The following GALNT17 variants were observed in gnomAD, a reference collection of about 807,000 sequenced individuals.
GALNT17 encodes the protein UDP-GalNAc:polypeptide N-acetylgalactosaminyltransferase-like 3.
A neutral mutation model predicts 63.7 loss-of-function variants in GALNT17; 29 were observed. That is an observed-to-expected ratio of 0.46 (90% confidence interval 0.34 to 0.62). The LOEUF (loss-of-function observed/expected upper bound fraction) is 0.62, where lower values mean the gene tolerates loss of function less well. Ranked by LOEUF, GALNT17 falls within the 20% of genes least tolerant of loss-of-function variation. The pLI, the probability that GALNT17 is intolerant of heterozygous loss-of-function variation, is 0.01. For synonymous variants in GALNT17, 305 were observed against 318.3 expected (o/e 0.96, Z 0.45); for missense variants, 603 against 799.6 (o/e 0.75, Z 2.97).
At chr7:71,426,877 C>A (rs1786769547) in intron 5 of GALNT17, among the ~76,000 whole-genome samples, 1 of 150,350 alleles carries the variant, frequency 6.7e-6, no homozygotes, top group East Asian at 2.1e-4. Flanking sequence ...CAAGATCATA[C>A]CACCTGCACT....
chr7:71,515,396 G>A (rs1163892084), intron 5 of GALNT17, among the ~76,000 whole-genome samples: 1 of 152,180 alleles, frequency 6.6e-6, no homozygotes, highest in East Asian at 1.9e-4. Flanking sequence ...TACTAGTCTT[G>A]TACTGAAGCT....
At chr7:71,421,208 T>C in intron 5 of GALNT17, 103 bp downstream of exon 5, 1 of 1,271,892 alleles carries the variant, frequency 7.9e-7, no homozygotes, top group Non-Finnish European at 1.1e-6. Flanking sequence ...CTCGAGCAGC[T>C]GTGTGCACAC....
At chr7:71,461,347 G>C (rs1787447677) in intron 5 of GALNT17, among the ~76,000 whole-genome samples, 1 of 152,176 alleles carries the variant, frequency 6.6e-6, no homozygotes, top group Non-Finnish European at 1.5e-5. Context: ...ACATAGGAAA[G>C]GGCCTTTCAT....
At chr7:71,682,323 C>A in intron 9 of GALNT17, among the ~76,000 whole-genome samples, 1 of 137,712 alleles carries the variant, frequency 7.3e-6, no homozygotes, top group East Asian at 2.2e-4. Flanking sequence ...GGCCCTGTGG[C>A]CCCCCACCCT....
intron 5 of GALNT17, among the ~76,000 whole-genome samples, chr7:71,517,153 T>C (rs1013331694): frequency 2.3e-4 from 35 of 152,286 alleles, no homozygotes; most frequent in African/African-American, 8.2e-4. Context: ...TTTCTCACAG[T>C]TCTGAGGCTG....
chr7:71,203,107 A>G (rs893288754), intron 1 of GALNT17, among the ~76,000 whole-genome samples: 4 of 152,212 alleles, frequency 2.6e-5, no homozygotes, highest in African/African-American at 7.2e-5. Context: ...TGCAATGAAC[A>G]TGAGAGTGCT....
intron 1 of GALNT17, among the ~76,000 whole-genome samples, chr7:71,287,110 G>A (rs539324718): frequency 6.6e-6 from 1 of 152,012 alleles, no homozygotes; most frequent in Admixed American, 6.5e-5. Flanking sequence ...TGTTTTTTGA[G>A]ACAAGGTCTC....
At chr7:71,509,017 A>AAAACAGTTTCCGACTTAAAAATTGT (rs1438892680) in intron 5 of GALNT17, among the ~76,000 whole-genome samples, 1 of 152,114 alleles carries the variant, frequency 6.6e-6, no homozygotes, top group Non-Finnish European at 1.5e-5. Context: ...CTCCACCATA[A>AAAACAGTTTCCGACTTAAAAATTGT]AAACAGTTTC....
At chr7:71,494,624 A>T (rs1053491624) in intron 5 of GALNT17, among the ~76,000 whole-genome samples, 1 of 152,088 alleles carries the variant, frequency 6.6e-6, no homozygotes, top group Admixed American at 6.6e-5. Context: ...CTCCCAAACT[A>T]TTGGGAGTAC....
chr7:71,203,283 C>G (rs1281673007), intron 1 of GALNT17, among the ~76,000 whole-genome samples: 4 of 152,158 alleles, frequency 2.6e-5, no homozygotes, highest in Non-Finnish European at 5.9e-5. Flanking sequence ...ACCAGGGTTC[C>G]TTTTTCTCCA....
At chr7:71,252,028 C>T (rs1790207278) in intron 1 of GALNT17, among the ~76,000 whole-genome samples, 1 of 152,132 alleles carries the variant, frequency 6.6e-6, no homozygotes, top group Admixed American at 6.5e-5. Context: ...CCTGCTGCCT[C>T]CTCCGGGACT....
chr7:71,415,145 A>G (rs1476474785), intron 3 of GALNT17, among the ~76,000 whole-genome samples: 9 of 152,166 alleles, frequency 5.9e-5, no homozygotes, highest in Non-Finnish European at 1.5e-5. Flanking sequence ...CCGGAAGTAC[A>G]GGTGCACAAC....
Position 71,511,369 on chromosome 7 carries a change from A to C in GALNT17, c.963-59916A>C, listed in dbSNP as rs558324083. Among the ~76,000 whole-genome samples the C allele has an allele frequency of 7.9e-5, 12 of 152,278 alleles. No homozygotes were observed. In the South Asian group the frequency reaches 2.3e-3, roughly 29 times the overall value. On this transcript the variant is annotated intron_variant, in intron 5 of 10. Coordinates refer to ENST00000333538, the MANE Select transcript of GALNT17 (RefSeq NM_022479.3). ...GAATGAGGTTAGGGGAGAGCGTGAG[A>C]GCAGCAGATCCTGCAAGCAACCCTC...
chr7:71,137,975 A>G (rs1787818924), intron 1 of GALNT17, among the ~76,000 whole-genome samples: 1 of 152,232 alleles, frequency 6.6e-6, no homozygotes, highest in Non-Finnish European at 1.5e-5. Flanking sequence ...CAGTTGATTA[A>G]CACTTATTTT....
intron 3 of GALNT17, among the ~76,000 whole-genome samples, chr7:71,391,161 A>G (rs1417899110): frequency 6.6e-6 from 1 of 152,168 alleles, no homozygotes; most frequent in Non-Finnish European, 1.5e-5. Context: ...GCACTAAGAA[A>G]AGTGCAGGTG....
At chr7:71,583,894 G>A (rs1301268838) in intron 6 of GALNT17, among the ~76,000 whole-genome samples, 3 of 152,206 alleles carry the variant, frequency 2.0e-5, no homozygotes, top group South Asian at 2.1e-4. Context: ...GGAGGCTGAG[G>A]CAGGTGGATC....
intron 2 of GALNT17, among the ~76,000 whole-genome samples, chr7:71,378,679 T>C (rs111599721): frequency 3.2e-4 from 49 of 152,164 alleles, no homozygotes; most frequent in African/African-American, 1.1e-3. Context: ...TCTGCCAGGC[T>C]CTAGGGGAAC....
intron 1 of GALNT17, among the ~76,000 whole-genome samples, chr7:71,277,745 G>A (rs924605022): frequency 1.3e-5 from 2 of 152,148 alleles, no homozygotes; most frequent in African/African-American, 4.8e-5. Flanking sequence ...TCCAGAGGAG[G>A]GGAGAGAGTG....
chr7:71,435,405 A>G (rs1786940771), intron 5 of GALNT17, among the ~76,000 whole-genome samples: 1 of 152,208 alleles, frequency 6.6e-6, no homozygotes, highest in Non-Finnish European at 1.5e-5. Flanking sequence ...CCTGGGGACT[A>G]GACCGCCTTT....
Sources: allele counts gnomAD v4.1 joint callset (sites outside exome capture counted in the v4.1 genomes callset), GRCh38; gene constraint gnomAD v4.1.1; transcripts MANE v1.5; gene names NCBI Gene and HGNC (gene_info 2026-07-23, HGNC 2026-07-21).